TIAM2: variants seen among roughly 807,000 people sequenced by gnomAD.
TIAM2 encodes rho guanine nucleotide exchange factor TIAM2.
TIAM2 carries 80 observed loss-of-function variants against 152.9 expected under a neutral mutation model. That is an observed-to-expected ratio of 0.52 (90% CI 0.44 to 0.63). TIAM2 has a LOEUF of 0.63. TIAM2 is among the 30% of genes least tolerant of loss of function. The pLI is 0.00. For synonymous variants in TIAM2, 804 were observed against 838.0 expected (o/e 0.96, Z 0.70); for missense variants, 1,965 against 2,120.1 (o/e 0.93, Z 1.44).
At chr6:155,014,331 G>A (rs1397074915) in intron 1 of TIAM2, among the ~76,000 whole-genome samples, 3 of 152,010 alleles carry the variant, frequency 2.0e-5, no homozygotes, top group East Asian at 3.9e-4. Context: ...TAATTCATAG[G>A]CATCAAATAA....
At chr6:154,997,939 G>A (rs1255062330) in intron 1 of TIAM2, among the ~76,000 whole-genome samples, 1 of 152,098 alleles carries the variant, frequency 6.6e-6, no homozygotes, top group African/African-American at 2.4e-5. Flanking sequence ...TGTCCGGCCA[G>A]AAAAGATTAC....
In TIAM2 at chr6:155,072,984, C is replaced by T. The variant is rs113821036; in HGVS notation, c.-208-17305C>T. 9.3e-3 allele frequency among the ~76,000 whole-genome samples: 1,416 copies of T among 152,184 alleles called. 27 individuals carry two copies. Among genetic ancestry groups the T allele is most frequent in the African/African-American group, 0.033 (1,363 of 41,518 alleles). ...GATGAACTGTAGTCTATAGTTAGCA[C>T]AATTAAAATCCATATTTGCTATTAA... On this transcript the variant is annotated intron_variant, in intron 1 of 26. Coordinates refer to ENST00000682666, the MANE Select transcript of TIAM2 (RefSeq NM_012454.4).
intron 1 of TIAM2, among the ~76,000 whole-genome samples, chr6:155,034,952 G>A (rs982791216): frequency 6.6e-6 from 1 of 152,086 alleles, no homozygotes; most frequent in African/African-American, 2.4e-5. Context: ...ATTTTTTAAT[G>A]TTTACAGGAT....
Position 155,183,304 on chromosome 6 carries a change from G to A in TIAM2, c.2868G>A (p.Gln956=). The change falls in exon 14 of 27, where the codon CAG becomes CAA. Residue 956 remains glutamine (Q), a synonymous_variant. Transcript: ENST00000682666. ...CTGTGTCTGATCTTGACCTTAAGCA[G>A]ATGGAGGCCCTGTTTTCTGAGAAGA... ...GEAVSDLDLK[Q]MEALFSEKSV... 6.2e-7 allele frequency: 1 copy of A among 1,614,174 alleles called. No homozygotes were observed. The highest frequency in any genetic ancestry group is 8.5e-7 in the Non-Finnish European group (1 of 1,180,038).
intron 1 of TIAM2, among the ~76,000 whole-genome samples, chr6:155,059,597 A>G (rs946784722): frequency 5.3e-5 from 8 of 152,028 alleles, no homozygotes; most frequent in South Asian, 4.2e-4. Context: ...ATTACAGATG[A>G]GAGCCACCAC....
chr6:154,997,432 A>C (rs1310245176), intron 1 of TIAM2, among the ~76,000 whole-genome samples: 1 of 151,544 alleles, frequency 6.6e-6, no homozygotes, highest in Non-Finnish European at 1.5e-5. Context: ...TCCGATTCAC[A>C]CTCCACTTGC....
At position 155,129,101 on chromosome 6, in the gene TIAM2, G is replaced by A. The variant is rs1200027209; in HGVS notation, c.-6-117G>A. The A allele has an allele frequency of 1.1e-6, 1 of 921,186 alleles. No homozygotes were observed. The highest frequency in any genetic ancestry group is 1.7e-5 in the African/African-American group (1 of 59,886). 57.1% of individuals were successfully genotyped at this position (921,186 alleles called of 1,614,324 possible). On this transcript the variant is annotated intron_variant, in intron 3 of 26. Transcript: ENST00000682666. The surrounding 1 kb of genome is among the most constrained non-coding windows in gnomAD (Gnocchi z 4.8). ...CTGACTCTTGTCCCTACTCCTCTGAGTCCTTCCAGGCACTGAAGTTGCTGT... is the reference window on the plus strand; with the variant it reads ...CTGACTCTTGTCCCTACTCCTCTGAATCCTTCCAGGCACTGAAGTTGCTGT...
chr6:155,039,509 C>G (rs543271517), intron 1 of TIAM2, among the ~76,000 whole-genome samples: 3 of 151,954 alleles, frequency 2.0e-5, no homozygotes, highest in Non-Finnish European at 4.4e-5. Flanking sequence ...TTTGTCTGCA[C>G]TGAAATTTCC....
At chr6:155,140,154 C>T (rs534603413) in intron 5 of TIAM2, among the ~76,000 whole-genome samples, 409 of 152,300 alleles carry the variant, frequency 2.7e-3, no homozygotes, top group Non-Finnish European at 4.7e-3. Context: ...AAGGAGATGA[C>T]AGTGTCTCCT....
intron 1 of TIAM2, among the ~76,000 whole-genome samples, chr6:155,052,464 G>C (rs1004122695): frequency 6.6e-6 from 1 of 151,780 alleles, no homozygotes; most frequent in African/African-American, 2.4e-5. Context: ...ATAACCAAAG[G>C]ATTAAGAAAT....
intron 9 of TIAM2, among the ~76,000 whole-genome samples, chr6:155,173,904 G>A (rs761265761): frequency 1.3e-5 from 2 of 152,216 alleles, no homozygotes; most frequent in African/African-American, 2.4e-5. Flanking sequence ...AGGTTGGAGG[G>A]TATATATGGT....
chr6:155,231,339 G>A (rs1307306312), intron 15 of TIAM2, among the ~76,000 whole-genome samples: 1 of 152,208 alleles, frequency 6.6e-6, no homozygotes, highest in Non-Finnish European at 1.5e-5. Flanking sequence ...TAGTCTAGAA[G>A]ACAAATAATA....
intron 1 of TIAM2, among the ~76,000 whole-genome samples, chr6:155,068,567 C>G (rs1777757920): frequency 6.6e-6 from 1 of 151,884 alleles, no homozygotes; most frequent in Non-Finnish European, 1.5e-5. Flanking sequence ...ATTCTTCTAC[C>G]TCAGCCTCCG....
At chr6:155,128,071 C>G (rs1779338041) in intron 3 of TIAM2, among the ~76,000 whole-genome samples, 1 of 152,140 alleles carries the variant, frequency 6.6e-6, no homozygotes, top group Non-Finnish European at 1.5e-5. Flanking sequence ...CCTTCTCCCC[C>G]TTTTCACTTT....
chr6:155,136,568 C>T (rs561936176), intron 4 of TIAM2, among the ~76,000 whole-genome samples: 15 of 152,274 alleles, frequency 9.9e-5, no homozygotes, highest in African/African-American at 3.1e-4. Context: ...GCCACCTCGC[C>T]ATCTATTATT....
intron 1 of TIAM2, among the ~76,000 whole-genome samples, chr6:155,044,613 G>A (rs1777120923): frequency 1.3e-5 from 2 of 152,068 alleles, no homozygotes; most frequent in South Asian, 2.1e-4. Context: ...TCAGGAGTAC[G>A]AGACCAGCCT....
At chr6:155,148,756 G>A (rs1177899389) in intron 7 of TIAM2, among the ~76,000 whole-genome samples, 1 of 152,098 alleles carries the variant, frequency 6.6e-6, no homozygotes, top group African/African-American at 2.4e-5. Context: ...TGTGTCTATG[G>A]ATTGCAAAAA....
chr6:155,113,366 GCCT>G (rs775582177), intron 2 of TIAM2, among the ~76,000 whole-genome samples: 5 of 152,074 alleles, frequency 3.3e-5, no homozygotes, highest in African/African-American at 4.8e-5. Flanking sequence ...TCTCCACGTT[GCCT>G]CCTCCCCCAT....
At chr6:155,029,463 A>ACTCT (rs1381477821) in intron 1 of TIAM2, among the ~76,000 whole-genome samples, 1 of 52,832 alleles carries the variant, frequency 1.9e-5, no homozygotes, top group African/African-American at 8.5e-5. Flanking sequence ...TATTATATAT[A>ACTCT]ATATATACTA....
Sources: gnomAD v4.1 joint callset for allele counts (sites outside exome capture counted in the v4.1 genomes callset) on GRCh38, gnomAD v4.1.1 for gene constraint, Gnocchi (gnomAD v3.1) non-coding constraint, MANE v1.5 for transcripts, NCBI Gene and HGNC (gene_info 2026-07-23, HGNC 2026-07-21) for gene names.